GPC5: variants seen among roughly 807,000 people sequenced by gnomAD.
GPC5 encodes the protein glypican-5.
Under a neutral mutation model 53.9 loss-of-function variants are expected in GPC5, and 47 were observed. The observed-to-expected ratio is 0.87, with a 90% CI of 0.69 to 1.11. GPC5 has a LOEUF of 1.11. GPC5 is among the 50% of genes most tolerant of loss of function. GPC5 has a pLI of 0.00. For missense variants in GPC5, 748 were observed against 713.1 expected (o/e 1.05, Z -0.56); for synonymous variants, 286 against 263.3 (o/e 1.09, Z -0.84).
At chr13:92,175,295 A>T (rs57299650) in intron 7 of GPC5, among the ~76,000 whole-genome samples, 1 of 152,222 alleles carries the variant, frequency 6.6e-6, no homozygotes, top group Non-Finnish European at 1.5e-5. Flanking sequence ...ATCTAGCTAT[A>T]GTTATGTTTA....
chr13:91,891,449 T>C (rs2039385535), intron 5 of GPC5, among the ~76,000 whole-genome samples: 1 of 152,184 alleles, frequency 6.6e-6, no homozygotes, highest in Admixed American at 6.5e-5. Flanking sequence ...AACCAATGTT[T>C]TCGATTGTAT....
At chr13:91,429,888 A>C (rs1879314469) in intron 1 of GPC5, among the ~76,000 whole-genome samples, 1 of 152,148 alleles carries the variant, frequency 6.6e-6, no homozygotes, top group South Asian at 2.1e-4. Context: ...TTTTAGAAAC[A>C]CTATGTGAGG....
At chr13:92,522,439 T>C (rs1183219126) in intron 7 of GPC5, among the ~76,000 whole-genome samples, 1 of 152,054 alleles carries the variant, frequency 6.6e-6, no homozygotes, top group African/African-American at 2.4e-5. Flanking sequence ...TATGCAGCCA[T>C]AAAAAAGGAT....
chr13:91,958,952 A>G (rs1473944647), intron 6 of GPC5, among the ~76,000 whole-genome samples: 1 of 151,920 alleles, frequency 6.6e-6, no homozygotes, highest in Non-Finnish European at 1.5e-5. Flanking sequence ...TAAATAATCT[A>G]ATAATGCACC....
intron 2 of GPC5, among the ~76,000 whole-genome samples, chr13:91,555,874 G>A (rs527723787): frequency 6.6e-6 from 1 of 151,966 alleles, no homozygotes; most frequent in Non-Finnish European, 1.5e-5. Context: ...GACCAGTATG[G>A]GGGAAACCGC....
At chr13:91,806,154 G>T (rs2038217617) in intron 5 of GPC5, among the ~76,000 whole-genome samples, 1 of 143,544 alleles carries the variant, frequency 7.0e-6, no homozygotes, top group East Asian at 2.2e-4. Flanking sequence ...TCATACCTCA[G>T]CGTCCCGAGT....
At chr13:92,414,406 G>A (rs1876187090) in intron 7 of GPC5, among the ~76,000 whole-genome samples, 1 of 151,816 alleles carries the variant, frequency 6.6e-6, no homozygotes, top group Admixed American at 6.6e-5. Context: ...TTGGGAGGCT[G>A]AGACAGGAGA....
chr13:91,571,124 C>G (rs2031761197), intron 2 of GPC5, among the ~76,000 whole-genome samples: 1 of 152,020 alleles, frequency 6.6e-6, no homozygotes, highest in Non-Finnish European at 1.5e-5. Context: ...ATATTTTATA[C>G]AACATTAATG....
At chr13:91,816,175 T>C (rs2038396205) in intron 5 of GPC5, among the ~76,000 whole-genome samples, 1 of 152,206 alleles carries the variant, frequency 6.6e-6, no homozygotes. Flanking sequence ...GCGTGTTGAC[T>C]GCCCCGCCTC....
At chr13:92,002,921 T>C (rs1172424343) in intron 6 of GPC5, among the ~76,000 whole-genome samples, 1 of 152,174 alleles carries the variant, frequency 6.6e-6, no homozygotes, top group Admixed American at 6.5e-5. Flanking sequence ...GGCTATGTTG[T>C]TACTTAGAAA....
At chr13:92,656,733 C>A (rs1399724210) in intron 7 of GPC5, among the ~76,000 whole-genome samples, 1 of 152,160 alleles carries the variant, frequency 6.6e-6, no homozygotes, top group Admixed American at 6.5e-5. Flanking sequence ...GTGGGAGGAT[C>A]ACTTGAGGCC....
chr13:92,173,402 C>A (rs2042084720), intron 7 of GPC5, among the ~76,000 whole-genome samples: 1 of 152,164 alleles, frequency 6.6e-6, no homozygotes, highest in South Asian at 2.1e-4. Flanking sequence ...CCCCATTAAA[C>A]TTTCAGATTT....
intron 7 of GPC5, among the ~76,000 whole-genome samples, chr13:92,692,847 G>A (rs9584057): frequency 0.015 from 2,086 of 136,550 alleles, 56 homozygotes; most frequent in African/African-American, 0.054. Context: ...TTTTTTTGCT[G>A]ATTAGTGATT....
At chr13:92,676,209 C>T (rs1202614096) in intron 7 of GPC5, among the ~76,000 whole-genome samples, 1 of 152,034 alleles carries the variant, frequency 6.6e-6, no homozygotes, top group Non-Finnish European at 1.5e-5. Context: ...GAAAATTACC[C>T]CCAAATGTCC....
intron 7 of GPC5, among the ~76,000 whole-genome samples, chr13:92,157,617 A>C (rs577895037): frequency 1.3e-5 from 2 of 152,322 alleles, no homozygotes; most frequent in East Asian, 3.9e-4. Context: ...AAGTGCATTA[A>C]GAAAAAGAAG....
intron 7 of GPC5, among the ~76,000 whole-genome samples, chr13:92,501,807 G>T (rs925327325): frequency 1.3e-5 from 2 of 152,048 alleles, no homozygotes; most frequent in South Asian, 4.1e-4. Flanking sequence ...AAGAAAATAT[G>T]TTTAAAGTGC....
At chr13:92,135,502 G>T (rs185976389) in intron 6 of GPC5, among the ~76,000 whole-genome samples, 45 of 152,236 alleles carry the variant, frequency 3.0e-4, no homozygotes, top group African/African-American at 1.1e-3. Context: ...TTGGTATGAG[G>T]GCTTAGAAGG....
At chr13:92,481,235 G>T (rs1879343421) in intron 7 of GPC5, among the ~76,000 whole-genome samples, 1 of 151,874 alleles carries the variant, frequency 6.6e-6, no homozygotes, top group Non-Finnish European at 1.5e-5. Flanking sequence ...CGAGTAGCTG[G>T]GACTACAGGT....
intron 7 of GPC5, among the ~76,000 whole-genome samples, chr13:92,477,717 G>T (rs953285555): frequency 1.8e-4 from 28 of 152,084 alleles, no homozygotes; most frequent in African/African-American, 6.8e-4. Context: ...TGAAGTCCCA[G>T]AAATCTTTTT....
Sources: allele counts gnomAD v4.1 joint callset (sites outside exome capture counted in the v4.1 genomes callset), GRCh38; gene constraint gnomAD v4.1.1; transcripts MANE v1.5; gene names NCBI Gene and HGNC (gene_info 2026-07-23, HGNC 2026-07-21).